Variants in PSMD14 observed in about 807,000 individuals in gnomAD.
PSMD14 encodes ubiquitin C-terminal hydrolase PSMD14.
Under a neutral mutation model 41.2 loss-of-function variants are expected in PSMD14, and 7 were observed. That is an observed-to-expected ratio of 0.17 (90% CI 0.10 to 0.32). The LOEUF is 0.32. Among genes scored for constraint, PSMD14 ranks in the 10% least tolerant of loss-of-function variants. PSMD14 has a pLI of 1.00. For missense variants in PSMD14, 139 were observed against 375.6 expected (o/e 0.37, Z 5.21); for synonymous variants, 114 against 122.3 (o/e 0.93, Z 0.45).
rs554010916 is a variant in PSMD14 at position 161,333,561 on chromosome 2, C to G, written c.48+14688C>G. On this transcript the variant is annotated intron_variant, in intron 3 of 11. Transcript: ENST00000409682. ...GCCAGATCTAGACACTAGCTGAGAT[C>G]CATGGAAGAGGAAGAGAGAATGAGA... Among the ~76,000 whole-genome samples the G allele has an allele frequency of 7.9e-5, 12 of 152,300 alleles. No homozygotes were observed. The South Asian group carries it at 2.3e-3, about 29-fold the overall frequency.
intron 7 of PSMD14, 125 bp downstream of exon 7, chr2:161,371,447 A>T: frequency 2.4e-6 from 2 of 844,998 alleles, no homozygotes; most frequent in South Asian, 5.6e-5. Context: ...CTGTTTACTT[A>T]AAAAACAAAA....
chr2:161,359,089 C>G (rs1014427465), intron 3 of PSMD14, among the ~76,000 whole-genome samples: 3 of 152,104 alleles, frequency 2.0e-5, no homozygotes, highest in Admixed American at 6.5e-5. Flanking sequence ...CCACCTTAAC[C>G]TTCTGAGTAG....
In PSMD14 at chr2:161,376,184, C is replaced by T. The variant is rs191560789; in HGVS notation, c.462+4862C>T. Among the ~76,000 whole-genome samples the T allele has an allele frequency of 6.9e-3, 1,036 of 150,786 alleles. 3 individuals are homozygous for T. Among genetic ancestry groups the T allele is most frequent in the Non-Finnish European group, 0.012 (818 of 67,592 alleles). ...AAGAACACAGACTTAGGGGTCAGGCCTGCATTAAAATCCCATTTTTATCTC... is the reference window on the plus strand; with the variant it reads ...AAGAACACAGACTTAGGGGTCAGGCTTGCATTAAAATCCCATTTTTATCTC... On this transcript the variant is annotated intron_variant, in intron 7 of 11. Coordinates refer to ENST00000409682, the MANE Select transcript of PSMD14 (RefSeq NM_005805.6).
intron 7 of PSMD14, chr2:161,382,212 A>G (rs1683578371): frequency 1.3e-5 from 2 of 151,790 alleles, no homozygotes; most frequent in South Asian, 2.1e-4. Context: ...AAGGTCTTCT[A>G]TTATATTAAA....
intron 2 of PSMD14, 115 bp from the exon 3 acceptor site, chr2:161,318,707 G>T (rs1689171060): frequency 6.7e-6 from 5 of 749,554 alleles, no homozygotes; most frequent in Non-Finnish European, 9.2e-6. Context: ...ATGTTGTGTT[G>T]TAATTACCAC....
At chr2:161,372,974 CAT>C (rs1683457784) in intron 7 of PSMD14, among the ~76,000 whole-genome samples, 1 of 151,774 alleles carries the variant, frequency 6.6e-6, no homozygotes, top group Middle Eastern at 3.4e-3. Flanking sequence ...AAAGTATAAA[CAT>C]AAACACAATG....
chr2:161,318,591 TAA>T (rs1559037035), intron 2 of PSMD14, among the ~76,000 whole-genome samples: 2 of 152,148 alleles, frequency 1.3e-5, no homozygotes, highest in African/African-American at 4.8e-5. Context: ...TGCTTGTCTT[TAA>T]AACTGGGGAT....
At chr2:161,410,708 T>G (rs2105275006) in intron 11 of PSMD14, among the ~76,000 whole-genome samples, 1 of 152,246 alleles carries the variant, frequency 6.6e-6, no homozygotes, top group East Asian at 1.9e-4. Flanking sequence ...TCTTAACATT[T>G]TAGAATTGAT....
intron 10 of PSMD14, among the ~76,000 whole-genome samples, chr2:161,401,618 T>C (rs968398541): frequency 1.3e-5 from 2 of 152,214 alleles, no homozygotes; most frequent in African/African-American, 4.8e-5. Flanking sequence ...ACAGTTTCTC[T>C]TACATACATA....
At chr2:161,329,318 C>CT (rs1202071942) in intron 3 of PSMD14, among the ~76,000 whole-genome samples, 1 of 152,048 alleles carries the variant, frequency 6.6e-6, no homozygotes, top group Non-Finnish European at 1.5e-5. Context: ...TACAATTAGT[C>CT]TTTTTTTATA....
chr2:161,374,394 C>T (rs1205874607), intron 7 of PSMD14, among the ~76,000 whole-genome samples: 2 of 151,966 alleles, frequency 1.3e-5, no homozygotes, highest in Admixed American at 1.3e-4. Flanking sequence ...TGTGACATCC[C>T]TAGGAGTAAA....
intron 10 of PSMD14, among the ~76,000 whole-genome samples, chr2:161,404,348 T>C (rs1165976217): frequency 9.2e-5 from 14 of 152,248 alleles, no homozygotes; most frequent in Admixed American, 9.2e-4. Context: ...AATGAAATTA[T>C]GCTATACTTG....
intron 10 of PSMD14, among the ~76,000 whole-genome samples, chr2:161,396,849 A>G (rs780975350): frequency 6.6e-6 from 1 of 152,024 alleles, no homozygotes; most frequent in African/African-American, 2.4e-5. Flanking sequence ...GCTTTTTGAG[A>G]TGGAATCTCA....
intron 3 of PSMD14, among the ~76,000 whole-genome samples, chr2:161,341,873 T>A (rs762055599): frequency 0.012 from 1,724 of 145,188 alleles, 24 homozygotes; most frequent in African/African-American, 0.036. Flanking sequence ...AAAAAAAATA[T>A]ATATGTATAT....
chr2:161,410,343 T>C (rs1684007429), intron 11 of PSMD14, among the ~76,000 whole-genome samples: 1 of 152,058 alleles, frequency 6.6e-6, no homozygotes, highest in Non-Finnish European at 1.5e-5. Flanking sequence ...AAATAAGGGT[T>C]AGAAAAGCAT....
At chr2:161,409,080 A>C (rs1683992047) in intron 11 of PSMD14, among the ~76,000 whole-genome samples, 181 bp downstream of exon 11, 1 of 152,150 alleles carries the variant, frequency 6.6e-6, no homozygotes, top group African/African-American at 2.4e-5. Context: ...TCTATAGAGA[A>C]GTAAATCACA....
intron 7 of PSMD14, among the ~76,000 whole-genome samples, chr2:161,374,529 T>C (rs1267463203): frequency 6.6e-6 from 1 of 152,000 alleles, no homozygotes; most frequent in Non-Finnish European, 1.5e-5. Flanking sequence ...ATTGCATTCA[T>C]AATTTAAATG....
chr2:161,396,366 T>C (rs1239240302), intron 10 of PSMD14, among the ~76,000 whole-genome samples: 3 of 152,074 alleles, frequency 2.0e-5, no homozygotes, highest in Admixed American at 1.3e-4. Context: ...ACCCAAGATA[T>C]GGAGTCAACC....
intron 3 of PSMD14, among the ~76,000 whole-genome samples, chr2:161,328,016 T>G (rs1260236276): frequency 6.9e-6 from 1 of 145,176 alleles, no homozygotes; most frequent in Non-Finnish European, 1.5e-5. Context: ...GCTCAGTGCT[T>G]AGATCTTTAC....
Sources: gnomAD v4.1 joint callset for allele counts (sites outside exome capture counted in the v4.1 genomes callset) on GRCh38, gnomAD v4.1.1 for gene constraint, MANE v1.5 for transcripts, NCBI Gene and HGNC (gene_info 2026-07-23, HGNC 2026-07-21) for gene names.